ZDHHC15: variants seen among roughly 807,000 people sequenced by gnomAD.
The protein encoded by ZDHHC15 is zDHHC palmitoyltransferase 15.
In ZDHHC15, 19 loss-of-function variants were observed where a neutral mutation model predicts 31.7. That is an observed-to-expected ratio of 0.60 (90% CI 0.42 to 0.88). The LOEUF is 0.88. ZDHHC15 is among the 40% of genes least tolerant of loss of function. ZDHHC15 has a pLI of 0.00. For synonymous variants in ZDHHC15, 103 were observed against 90.0 expected (o/e 1.14, Z -0.82); for missense variants, 209 against 251.2 (o/e 0.83, Z 1.14).
At chrX:75,400,562 G>T (rs894657777) in intron 10 of ZDHHC15, among the ~76,000 whole-genome samples, 1 of 111,917 alleles carries the variant, frequency 8.9e-6, no homozygotes, top group Non-Finnish European at 1.9e-5. Context: ...TACATTTCAG[G>T]ATATTGTCCA....
chrX:75,497,892 A>T (rs1008337401), intron 2 of ZDHHC15, among the ~76,000 whole-genome samples: 3 of 109,473 alleles, frequency 2.7e-5, no homozygotes, highest in Non-Finnish European at 5.7e-5. Flanking sequence ...GAAAAGCTGA[A>T]AGCATTCCTC....
At chrX:75,389,844 G>A in intron 10 of ZDHHC15, among the ~76,000 whole-genome samples, 1 of 111,996 alleles carries the variant, frequency 8.9e-6, no homozygotes, top group Non-Finnish European at 1.9e-5. Context: ...GAAGATAAAG[G>A]AGACTTTGAC....
intron 9 of ZDHHC15, among the ~76,000 whole-genome samples, chrX:75,418,516 T>C (rs750469630): frequency 6.2e-5 from 7 of 112,295 alleles, no homozygotes; most frequent in Non-Finnish European, 1.1e-4. Flanking sequence ...CTACTTTCCC[T>C]GCATAATTGT....
rs2085030871 is a variant in ZDHHC15 at position 75,497,992 on chromosome X, G to A, written c.163+7829C>T. Among the ~76,000 whole-genome samples the A allele has an allele frequency of 2.9e-5, 3 of 103,623 alleles. No individual in the cohort carries two copies. The Admixed American group carries it at 3.2e-4, about 11-fold the overall frequency. 90.0% of individuals were successfully genotyped at this position (103,623 alleles called of 115,157 possible). ...CTTGTTGCCCAGGCTGCAGTGCAAT[G>A]GCGTGATCTCAGCTCACCGCAACCT... On this transcript the variant is annotated intron_variant, in intron 2 of 11. Transcript: ENST00000373367.
At chrX:75,412,949 G>A (rs1051959180) in intron 10 of ZDHHC15, among the ~76,000 whole-genome samples, 2 of 111,659 alleles carry the variant, frequency 1.8e-5, no homozygotes, top group Admixed American at 9.5e-5. Context: ...TACAAAGTAA[G>A]TAGTTATTTA....
At chrX:75,510,547 A>C (rs1433696698) in intron 1 of ZDHHC15, among the ~76,000 whole-genome samples, 1 of 32,693 alleles carries the variant, frequency 3.1e-5, no homozygotes, top group African/African-American at 1.0e-4. Context: ...TTTTTTTTTT[A>C]TCTTTTGTCT....
chrX:75,392,106 T>G (rs2083250684), intron 10 of ZDHHC15, among the ~76,000 whole-genome samples: 1 of 112,274 alleles, frequency 8.9e-6, no homozygotes, highest in African/African-American at 3.2e-5. Context: ...ACAGAACTAA[T>G]GGAATATATC....
chrX:75,497,933 C>CGT (rs137952564), intron 2 of ZDHHC15, among the ~76,000 whole-genome samples: 2 of 87,842 alleles, frequency 2.3e-5, no homozygotes, highest in African/African-American at 8.4e-5. Context: ...AGGATGCCCA[C>CGT]TTTTTTTTTT....
rs746897275 is a variant in ZDHHC15 at position 75,421,441 on chromosome X, T to TTA, written c.863+421_863+422dup. 1.1e-3 allele frequency among the ~76,000 whole-genome samples: 72 copies of TTA among 65,712 alleles called. 5 individuals are homozygous for TTA. Among genetic ancestry groups the TTA allele is most frequent in the African/African-American group, 5.1e-3 (70 of 13,734 alleles). The allele number at this position is 65,712 out of a possible 115,157, so 57.1% of individuals were successfully genotyped here. ...ATATATAATATATATATAATATATATTATATATATATATTCCCATATTGTT... is the reference window on the plus strand; with the variant it reads ...ATATATAATATATATATAATATATATTATATATATATATATTCCCATATTGTT... On this transcript the variant is annotated intron_variant, in intron 9 of 11. Transcript: ENST00000373367.
chrX:75,440,795 T>C (rs1194807398), intron 4 of ZDHHC15, among the ~76,000 whole-genome samples: 1 of 112,039 alleles, frequency 8.9e-6, no homozygotes, highest in Non-Finnish European at 1.9e-5. Flanking sequence ...AGAAAGGCCA[T>C]CAGGGCAGGT....
At chrX:75,461,667 C>T (rs2084317213) in intron 3 of ZDHHC15, among the ~76,000 whole-genome samples, 1 of 111,833 alleles carries the variant, frequency 8.9e-6, no homozygotes, top group Non-Finnish European at 1.9e-5. Context: ...CAGTATTTGA[C>T]ACCTACCAAA....
chrX:75,491,548 C>G (rs1419447020), intron 2 of ZDHHC15, among the ~76,000 whole-genome samples: 1 of 107,837 alleles, frequency 9.3e-6, no homozygotes, highest in East Asian at 2.9e-4. Flanking sequence ...ATGGGTGCAG[C>G]ACACCAGCAT....
intron 3 of ZDHHC15, among the ~76,000 whole-genome samples, chrX:75,459,633 G>A (rs992358860): frequency 1.8e-5 from 2 of 111,165 alleles, no homozygotes; most frequent in East Asian, 5.7e-4. Context: ...AGCCACTCCA[G>A]CCAGGGTAAT....
chrX:75,457,986 G>A (rs1264651648), intron 3 of ZDHHC15, among the ~76,000 whole-genome samples: 2 of 110,974 alleles, frequency 1.8e-5, no homozygotes, highest in African/African-American at 6.6e-5. Flanking sequence ...TCCCCTGTGG[G>A]TACTGAGGAA....
intron 2 of ZDHHC15, among the ~76,000 whole-genome samples, chrX:75,480,102 A>G (rs2147981742): frequency 9.0e-6 from 1 of 111,245 alleles, no homozygotes; most frequent in African/African-American, 3.3e-5. Flanking sequence ...TAATGACTCA[A>G]GACCAACTTA....
chrX:75,460,890 T>C (rs2084303083), intron 3 of ZDHHC15, among the ~76,000 whole-genome samples: 1 of 111,986 alleles, frequency 8.9e-6, no homozygotes, highest in Admixed American at 9.5e-5. Context: ...TTCCTTCAAA[T>C]GAATGCAACA....
At chrX:75,393,879 A>G (rs939496204) in intron 10 of ZDHHC15, among the ~76,000 whole-genome samples, 2 of 112,067 alleles carry the variant, frequency 1.8e-5, no homozygotes, top group African/African-American at 6.5e-5. Context: ...AAGAACTTGG[A>G]GTCTGATGTT....
chrX:75,405,536 T>C (rs1051810859), intron 10 of ZDHHC15, among the ~76,000 whole-genome samples: 1 of 111,235 alleles, frequency 9.0e-6, no homozygotes, highest in Non-Finnish European at 1.9e-5. Flanking sequence ...TCTGATAAAA[T>C]GAATTACAAA....
intron 10 of ZDHHC15, among the ~76,000 whole-genome samples, chrX:75,398,472 G>T (rs1054305891): frequency 8.9e-6 from 1 of 112,854 alleles, no homozygotes; most frequent in Non-Finnish European, 1.9e-5. Context: ...CATTCCCAGA[G>T]GGGGATGGAC....
Sources: gnomAD v4.1 joint callset for allele counts (sites outside exome capture counted in the v4.1 genomes callset) on GRCh38, gnomAD v4.1.1 for gene constraint, MANE v1.5 for transcripts, NCBI Gene and HGNC (gene_info 2026-07-23, HGNC 2026-07-21) for gene names.